Variants in ACAD11 observed in about 807,000 individuals in gnomAD.
The protein encoded by ACAD11 is acyl-Coenzyme A dehydrogenase family, member 11.
ACAD11 carries 83 observed loss-of-function variants against 102.2 expected under a neutral mutation model. That is an observed-to-expected ratio of 0.81 (90% CI 0.68 to 0.97). The LOEUF is 0.97. ACAD11 is among the 50% of genes least tolerant of loss of function. The pLI is 0.00. For synonymous variants in ACAD11, 324 were observed against 319.8 expected (o/e 1.01, Z -0.14); for missense variants, 901 against 951.7 (o/e 0.95, Z 0.70).
At chr3:132,650,886 C>T (rs910154679) in intron 1 of ACAD11, among the ~76,000 whole-genome samples, 2 of 152,126 alleles carry the variant, frequency 1.3e-5, no homozygotes, top group African/African-American at 4.8e-5. Context: ...ATTGTAATTC[C>T]CATAAGGCTC....
chr3:132,575,245 A>G (rs1576552272), intron 17 of ACAD11, among the ~76,000 whole-genome samples: 1 of 152,196 alleles, frequency 6.6e-6, no homozygotes, highest in Non-Finnish European at 1.5e-5. Context: ...TGATAATTCA[A>G]AAAGTCATGA....
chr3:132,564,711 T>A (rs1439188470), intron 17 of ACAD11, among the ~76,000 whole-genome samples: 1 of 152,226 alleles, frequency 6.6e-6, no homozygotes, highest in African/African-American at 2.4e-5. Context: ...AAAATAAGTA[T>A]GTCTGATATC....
chr3:132,600,055 T>G (rs1212984479), intron 13 of ACAD11, among the ~76,000 whole-genome samples: 1 of 152,198 alleles, frequency 6.6e-6, no homozygotes, highest in Non-Finnish European at 1.5e-5. Flanking sequence ...TCTAATTAAA[T>G]TTTCATATTT....
At position 132,641,915 on chromosome 3, in the gene ACAD11, T is replaced by C. The variant is rs1184711261; in HGVS notation, c.537+57A>G. The C allele has an allele frequency of 5.5e-6, 8 of 1,456,524 alleles. No homozygotes were observed. The East Asian group carries it at 1.8e-4, about 33-fold the overall frequency. 90.2% of individuals were successfully genotyped at this position (1,456,524 alleles called of 1,614,324 possible). On this transcript the variant is annotated intron_variant, in intron 4 of 19. Transcript: ENST00000264990. ...AATAATAGCTTTTTTTGTTGACTAATAAGGTATATTATTTACAAGAACTTG... is the reference window on the plus strand; with the variant it reads ...AATAATAGCTTTTTTTGTTGACTAACAAGGTATATTATTTACAAGAACTTG...
intron 13 of ACAD11, among the ~76,000 whole-genome samples, chr3:132,586,378 T>C (rs1488948050): frequency 6.6e-6 from 1 of 152,018 alleles, no homozygotes; most frequent in Non-Finnish European, 1.5e-5. Flanking sequence ...CATTAGGAGA[T>C]ATACCTAATG....
intron 18 of ACAD11, 114 bp from the exon 19 acceptor site, chr3:132,560,056 A>T (rs1937007771): frequency 1.3e-6 from 1 of 755,364 alleles, no homozygotes; most frequent in Non-Finnish European, 2.2e-6. Context: ...CTAAAACAGG[A>T]TCTTTAACAA....
At chr3:132,587,840 C>T (rs1937907395) in intron 13 of ACAD11, among the ~76,000 whole-genome samples, 1 of 152,180 alleles carries the variant, frequency 6.6e-6, no homozygotes, top group East Asian at 1.9e-4. Flanking sequence ...TATTTAGCTG[C>T]AAGGTGCTTT....
At chr3:132,617,000 A>G (rs1403397300) in intron 11 of ACAD11, among the ~76,000 whole-genome samples, 1 of 152,200 alleles carries the variant, frequency 6.6e-6, no homozygotes, top group African/African-American at 2.4e-5. Flanking sequence ...TTGTCTCAGG[A>G]GTCCAGTACT....
chr3:132,597,374 C>T (rs190566734), intron 13 of ACAD11: 12 of 150,382 alleles, frequency 8.0e-5, no homozygotes, highest in African/African-American at 2.4e-4. Flanking sequence ...TTTTTAAGCC[C>T]AAAGATCTTG....
chr3:132,636,837 CT>C (rs1940292522), intron 5 of ACAD11, among the ~76,000 whole-genome samples: 1 of 151,990 alleles, frequency 6.6e-6, no homozygotes, highest in African/African-American at 2.4e-5. Context: ...GGTGTAATTC[CT>C]AGAAAGCAGG....
rs565210304 is a variant in ACAD11 at position 132,607,095 on chromosome 3, C to T, written c.1415-1890G>A. ...AATAGCATGAACAACAGAAAGGACA[C>T]CTACACAAAAACTCCATCTGAAGGT... is the stretch of plus-strand genomic sequence containing the variant. On this transcript the variant is annotated intron_variant, in intron 11 of 19. Transcript: ENST00000264990. Among the ~76,000 whole-genome samples the T allele has an allele frequency of 6.6e-5, 10 of 152,210 alleles. No individual in the cohort carries two copies. The South Asian group carries it at 2.1e-3, about 32-fold the overall frequency.
At chr3:132,575,655 T>C in intron 17 of ACAD11, 117 bp downstream of exon 17, 3 of 1,242,784 alleles carry the variant, frequency 2.4e-6, no homozygotes, top group Non-Finnish European at 3.4e-6. Context: ...ATATGCCTTA[T>C]TGAAAAGAAT....
intron 16 of ACAD11, 122 bp downstream of exon 16, chr3:132,576,822 C>T (rs890871878): frequency 4.1e-6 from 3 of 733,648 alleles, no homozygotes; most frequent in South Asian, 1.8e-5. Context: ...AACTTTTGCA[C>T]GAACCTAATA....
chr3:132,584,732 C>T (rs905078298), intron 13 of ACAD11, among the ~76,000 whole-genome samples: 1 of 152,018 alleles, frequency 6.6e-6, no homozygotes, highest in Non-Finnish European at 1.5e-5. Context: ...CATGAGTGAA[C>T]TCCCATTCAC....
chr3:132,577,379 G>C (rs1458959935), intron 15 of ACAD11, among the ~76,000 whole-genome samples: 1 of 152,052 alleles, frequency 6.6e-6, no homozygotes, highest in East Asian at 1.9e-4. Context: ...CAATTTGCAT[G>C]GAAAAAAGTT....
At chr3:132,612,245 C>A (rs1388788379) in intron 11 of ACAD11, among the ~76,000 whole-genome samples, 6 of 151,910 alleles carry the variant, frequency 3.9e-5, no homozygotes, top group Non-Finnish European at 5.9e-5. Flanking sequence ...TAAAGACTTA[C>A]ATGTTAGACC....
At chr3:132,628,812 AT>A (rs1435014803) in intron 7 of ACAD11, among the ~76,000 whole-genome samples, 1 of 152,212 alleles carries the variant, frequency 6.6e-6, no homozygotes, top group East Asian at 1.9e-4. Flanking sequence ...TTAAAAAACT[AT>A]AAAATCAAAA....
intron 2 of ACAD11, among the ~76,000 whole-genome samples, chr3:132,644,043 C>T (rs1212931654): frequency 6.6e-6 from 1 of 152,026 alleles, no homozygotes; most frequent in Non-Finnish European, 1.5e-5. Flanking sequence ...ATCCAACTTA[C>T]TTCATGTTTC....
chr3:132,630,558 C>A lies in ACAD11; in HGVS notation c.842G>T (p.Gly281Val). ...INQGSYSENS[G>V]IPSMEELISI... Reference sequence around the variant, plus strand: ...AATCAGTTCTTCCATTGATGGTATCCCTATAAAAACAGCATGTAATATAAA... The same window carrying A: ...AATCAGTTCTTCCATTGATGGTATCACTATAAAAACAGCATGTAATATAAA... Residue 281 changes from glycine to valine, a missense_variant and splice_region_variant, in exon 7 of 20, where the codon GGG becomes GTG. By Grantham distance (109) the Gly-to-Val change is moderately radical. Transcript: ENST00000264990. 1 of 1,597,048 alleles carries A rather than the reference C, an allele frequency of 6.3e-7. No homozygotes were observed. The highest frequency in any genetic ancestry group is 1.1e-5 in the South Asian group (1 of 87,576).
Sources: allele counts gnomAD v4.1 joint callset (sites outside exome capture counted in the v4.1 genomes callset), GRCh38; gene constraint gnomAD v4.1.1; transcripts MANE v1.5; gene names NCBI Gene and HGNC (gene_info 2026-07-23, HGNC 2026-07-21).